Variants in TRPM1 observed in about 807,000 individuals in gnomAD.
TRPM1 encodes TRPM1-203 APA Isoform, Intron 10.
In TRPM1, 113 loss-of-function variants were observed where a neutral mutation model predicts 149.4. The ratio of observed to expected loss-of-function variants is 0.76; its 90% confidence interval spans 0.65 to 0.88. The LOEUF (loss-of-function observed/expected upper bound fraction) is 0.88, where lower values mean the gene tolerates loss of function less well. Ranked by LOEUF, TRPM1 falls within the 40% of genes least tolerant of loss-of-function variation. The pLI is 0.00. For synonymous variants in TRPM1, 741 were observed against 759.5 expected (o/e 0.98, Z 0.40); for missense variants, 1,976 against 2,038.7 (o/e 0.97, Z 0.59).
At chr15:31,123,157 A>G (rs374977899) in intron 1 of TRPM1, among the ~76,000 whole-genome samples, 21 of 152,250 alleles carry the variant, frequency 1.4e-4, no homozygotes. Flanking sequence ...ATGAATCTAG[A>G]CACTGACCTT....
intron 1 of TRPM1, among the ~76,000 whole-genome samples, chr15:31,136,009 G>A (rs563997456): frequency 6.6e-6 from 1 of 152,300 alleles, no homozygotes; most frequent in South Asian, 2.1e-4. Context: ...ATAGTGATGA[G>A]AATTGTGTAA....
At chr15:31,149,765 C>T (rs1276387112) in intron 1 of TRPM1, among the ~76,000 whole-genome samples, 9 of 152,212 alleles carry the variant, frequency 5.9e-5, no homozygotes, top group Admixed American at 2.6e-4. Flanking sequence ...GTGATCCGCC[C>T]GCCTTGGCCT....
intron 1 of TRPM1, among the ~76,000 whole-genome samples, chr15:31,090,529 C>T (rs2035207028): frequency 1.3e-5 from 2 of 151,786 alleles, no homozygotes; most frequent in Non-Finnish European, 2.9e-5. Flanking sequence ...CCCAGCTACT[C>T]GGGAGGCTGA....
At chr15:31,113,459 T>G (rs766808841) in intron 1 of TRPM1, among the ~76,000 whole-genome samples, 1 of 151,056 alleles carries the variant, frequency 6.6e-6, no homozygotes, top group Non-Finnish European at 1.5e-5. Flanking sequence ...ATCTCTAAGG[T>G]ATAGAGATAA....
At chr15:31,143,169 T>G (rs1490032348) in intron 1 of TRPM1, among the ~76,000 whole-genome samples, 1 of 152,202 alleles carries the variant, frequency 6.6e-6, no homozygotes, top group Non-Finnish European at 1.5e-5. Flanking sequence ...GAAAGAAGTC[T>G]AACAAGTATA....
chr15:31,037,911 AG>A (rs2033469984), intron 19 of TRPM1, 69 bp from the exon 20 acceptor site: 3 of 1,612,678 alleles, frequency 1.9e-6, no homozygotes, highest in Non-Finnish European at 1.7e-6. Flanking sequence ...TCCGGCACAC[AG>A]GCACCATTAG....
In TRPM1 at chr15:31,002,890, C is replaced by T; in HGVS notation, c.3810G>A (p.Arg1270=). The T allele has an allele frequency of 6.2e-7, 1 of 1,613,926 alleles. No individual in the cohort carries two copies. Among genetic ancestry groups the T allele is most frequent in the Non-Finnish European group, 8.5e-7 (1 of 1,179,854 alleles). Residue 1270 remains arginine (R), a synonymous_variant, in exon 28 of 28, where the codon CGG becomes CGA. Coordinates refer to ENST00000256552, the MANE Select transcript of TRPM1 (RefSeq NM_001252024.2). ...ACGTTGCCTCACATTCAGAAGAAGC[C>T]CGGGACCGTGCCTGGATCAGGTCAG... ...DRSDLIQARS[R]ASSECEATYL... is the part of the protein sequence containing the mutation.
intron 1 of TRPM1, among the ~76,000 whole-genome samples, chr15:31,112,472 A>C (rs2035703545): frequency 6.6e-6 from 1 of 152,088 alleles, no homozygotes; most frequent in Non-Finnish European, 1.5e-5. Flanking sequence ...AGCAAATAAC[A>C]CCCTAGTTAA....
At chr15:31,111,722 G>C (rs575952538) in intron 1 of TRPM1, among the ~76,000 whole-genome samples, 4 of 152,160 alleles carry the variant, frequency 2.6e-5, no homozygotes, top group Non-Finnish European at 5.9e-5. Flanking sequence ...CTGGCGCCCA[G>C]GGCGTTATTT....
At chr15:31,129,912 A>C (rs1318074273) in intron 1 of TRPM1, among the ~76,000 whole-genome samples, 1 of 152,230 alleles carries the variant, frequency 6.6e-6, no homozygotes, top group Non-Finnish European at 1.5e-5. Flanking sequence ...TGTCAGGGAC[A>C]TTCTGCAGAC....
intron 27 of TRPM1, among the ~76,000 whole-genome samples, chr15:31,003,642 A>C (rs1342066329): frequency 2.0e-5 from 3 of 152,224 alleles, no homozygotes; most frequent in Non-Finnish European, 2.9e-5. Flanking sequence ...AAAATAAATA[A>C]AATTAAAATC....
intron 1 of TRPM1, 78 bp from the exon 2 acceptor site, chr15:31,081,516 C>T: frequency 2.1e-6 from 2 of 950,058 alleles, no homozygotes; most frequent in Non-Finnish European, 3.1e-6. Flanking sequence ...ACAAATCCTG[C>T]CCTCCCTTTG....
intron 27 of TRPM1, among the ~76,000 whole-genome samples, chr15:31,025,681 C>A (rs2032703413): frequency 6.6e-6 from 1 of 152,072 alleles, no homozygotes; most frequent in South Asian, 2.1e-4. Context: ...CTCAGGGGAG[C>A]CCCAGGAGGG....
At chr15:31,005,240 C>T (rs2031947179) in intron 27 of TRPM1, among the ~76,000 whole-genome samples, 1 of 152,134 alleles carries the variant, frequency 6.6e-6, no homozygotes, top group African/African-American at 2.4e-5. Context: ...TACAAACATA[C>T]AGTAAGAGAT....
chr15:31,095,371 A>T (rs964235071), intron 1 of TRPM1, among the ~76,000 whole-genome samples: 15 of 152,230 alleles, frequency 9.9e-5, no homozygotes, highest in African/African-American at 3.4e-4. Flanking sequence ...TATGTGATAC[A>T]AATTTCATCT....
At chr15:31,076,584 T>C (rs2034699803) in intron 3 of TRPM1, among the ~76,000 whole-genome samples, 1 of 152,354 alleles carries the variant, frequency 6.6e-6, no homozygotes, top group East Asian at 1.9e-4. Flanking sequence ...TGAAACTCTA[T>C]TGAAGAGGCC....
chr15:31,145,310 A>G (rs1447221258), intron 1 of TRPM1, among the ~76,000 whole-genome samples: 2 of 152,196 alleles, frequency 1.3e-5, no homozygotes, highest in African/African-American at 4.8e-5. Context: ...GCCTTCTCCA[A>G]GATGGCAGAA....
chr15:31,161,050 C>A, exon 1 of TRPM1: 1 of 1,285,498 alleles, frequency 7.8e-7, no homozygotes, highest in South Asian at 1.3e-5. Flanking sequence ...TGGGCAGGAG[C>A]GGAGCCACAC....
intron 11 of TRPM1, among the ~76,000 whole-genome samples, chr15:31,059,045 T>C (rs1373942725): frequency 6.6e-6 from 1 of 152,084 alleles, no homozygotes; most frequent in East Asian, 1.9e-4. Flanking sequence ...ATAACACCAC[T>C]GCACTCTAGC....
Sources: gnomAD v4.1 joint callset for allele counts (sites outside exome capture counted in the v4.1 genomes callset) on GRCh38, gnomAD v4.1.1 for gene constraint, MANE v1.5 for transcripts, NCBI Gene and HGNC (gene_info 2026-07-23, HGNC 2026-07-21) for gene names.